EFR3B: variants seen among roughly 807,000 people sequenced by gnomAD.
EFR3B encodes EFR3 homolog B.
EFR3B carries 64 observed loss-of-function variants against 104.7 expected under a neutral mutation model. That is an observed-to-expected ratio of 0.61 (90% CI 0.50 to 0.75). EFR3B has a LOEUF of 0.75. Ranked by LOEUF, EFR3B falls within the 30% of genes least tolerant of loss-of-function variation. The pLI is 0.00. For missense variants in EFR3B, 750 were observed against 1,078.5 expected, an observed-to-expected ratio of 0.70 and a Z score of 4.27; for synonymous variants, 385 against 417.9, an observed-to-expected ratio of 0.92 and a Z score of 0.96.
intron 5 of EFR3B, among the ~76,000 whole-genome samples, chr2:25,126,549 G>T (rs1345739507): frequency 6.6e-6 from 1 of 151,894 alleles, no homozygotes; most frequent in South Asian, 2.1e-4. Flanking sequence ...TAGTAGAGAC[G>T]GGGTTTCACC....
intron 6 of EFR3B, 57 bp from the exon 7 acceptor site, chr2:25,129,918 C>T (rs1670282283): frequency 6.5e-7 from 1 of 1,542,618 alleles, no homozygotes; most frequent in East Asian, 2.5e-5. Context: ...CGGGATTGTA[C>T]AGAGCCTGAC....
intron 1 of EFR3B, among the ~76,000 whole-genome samples, chr2:25,087,535 A>G (rs1440857013): frequency 6.7e-6 from 1 of 149,304 alleles, no homozygotes; most frequent in Non-Finnish European, 1.5e-5. Flanking sequence ...GCTGTAGTGC[A>G]ATGGCACAAT....
At chr2:25,106,629 G>C (rs1188855497) in intron 4 of EFR3B, among the ~76,000 whole-genome samples, 1 of 152,128 alleles carries the variant, frequency 6.6e-6, no homozygotes, top group Non-Finnish European at 1.5e-5. Context: ...AACTAAGGGA[G>C]ACAGGGTTTC....
chr2:25,057,417 A>AAG (rs944469842), intron 1 of EFR3B, among the ~76,000 whole-genome samples: 94 of 152,232 alleles, frequency 6.2e-4, no homozygotes, highest in African/African-American at 2.2e-3. Context: ...GCTAACAAAA[A>AAG]AAAAAACAAA....
At chr2:25,117,229 G>T (rs1337782867) in intron 4 of EFR3B, among the ~76,000 whole-genome samples, 1 of 152,122 alleles carries the variant, frequency 6.6e-6, no homozygotes, top group Admixed American at 6.5e-5. Context: ...GGCTTCCCAG[G>T]TGTGGGCCTC....
In EFR3B at chr2:25,138,330, T is replaced by C. The variant is rs577783954; in HGVS notation, c.1723-729T>C. ...CCTGTCTACCAAGCCTCCTTTGCGA[T>C]GCGCAGGCAGCCAGTGTGGCACCGG... is the stretch of plus-strand genomic sequence containing the variant. On this transcript the variant is annotated intron_variant, in intron 15 of 22. Coordinates refer to ENST00000403714, the MANE Select transcript of EFR3B (RefSeq NM_014971.2). Among the ~76,000 whole-genome samples, 20 of 152,338 alleles carry C rather than the reference T, an allele frequency of 1.3e-4. No homozygotes were observed. The East Asian group carries it at 3.7e-3, about 28-fold the overall frequency.
At chr2:25,071,588 C>T (rs1057155260) in intron 1 of EFR3B, among the ~76,000 whole-genome samples, 1 of 152,122 alleles carries the variant, frequency 6.6e-6, no homozygotes, top group Non-Finnish European at 1.5e-5. Context: ...CTGCACATCC[C>T]CTGTCCTAAT....
At chr2:25,120,933 G>T (rs1021246904) in intron 4 of EFR3B, among the ~76,000 whole-genome samples, 3 of 151,988 alleles carry the variant, frequency 2.0e-5, no homozygotes, top group African/African-American at 7.2e-5. Context: ...ATGGAGTCTC[G>T]CTCTATCGCC....
intron 1 of EFR3B, among the ~76,000 whole-genome samples, chr2:25,045,773 G>A (rs1259064939): frequency 6.6e-6 from 1 of 150,678 alleles, no homozygotes; most frequent in Non-Finnish European, 1.5e-5. Context: ...ACAAGAGCGA[G>A]ACTCCATCTC....
At chr2:25,058,504 A>G (rs1235251994) in intron 1 of EFR3B, among the ~76,000 whole-genome samples, 3 of 152,170 alleles carry the variant, frequency 2.0e-5, no homozygotes, top group Non-Finnish European at 2.9e-5. Flanking sequence ...CATGCCTGTA[A>G]TCCCAGCACT....
At chr2:25,056,363 T>G (rs962039937) in intron 1 of EFR3B, among the ~76,000 whole-genome samples, 10 of 152,276 alleles carry the variant, frequency 6.6e-5, no homozygotes, top group African/African-American at 2.4e-4. Flanking sequence ...ACAGTCTTCT[T>G]TTGAAAGGAA....
chr2:25,051,116 T>C (rs894183239), intron 1 of EFR3B, among the ~76,000 whole-genome samples: 3 of 152,096 alleles, frequency 2.0e-5, no homozygotes, highest in Non-Finnish European at 4.4e-5. Flanking sequence ...TCTCTTTTTT[T>C]TCTTCTGTTT....
intron 1 of EFR3B, among the ~76,000 whole-genome samples, chr2:25,064,873 C>T (rs1054390787): frequency 8.5e-5 from 13 of 152,174 alleles, no homozygotes; most frequent in Non-Finnish European, 1.6e-4. Flanking sequence ...AAAGTGAATA[C>T]CAATCAAGTT....
chr2:25,132,978 C>T lies in EFR3B; in HGVS notation c.1223C>T (p.Pro408Leu), dbSNP rs1360324520. 1 of 1,551,656 alleles carries T rather than the reference C, an allele frequency of 6.4e-7. No homozygotes were observed. Among genetic ancestry groups the T allele is most frequent in the South Asian group, 1.2e-5 (1 of 84,060 alleles). ...ILFIMSKVPR[P>L]SLHQAVDTGR... ...TTCATCATGAGCAAGGTCCCGCGGC[C>T]ATCCCTGCACCAGGCGGTGGACACA... Residue 408 changes from proline to leucine, a missense_variant, in exon 11 of 23, where the codon CCA becomes CTA. Coordinates refer to ENST00000403714, the MANE Select transcript of EFR3B (RefSeq NM_014971.2).
intron 1 of EFR3B, among the ~76,000 whole-genome samples, chr2:25,070,553 G>A (rs866753065): frequency 1.1e-4 from 16 of 152,298 alleles, no homozygotes; most frequent in African/African-American, 2.9e-4. Flanking sequence ...GTGAGCCACC[G>A]CATCCTACTG....
At chr2:25,095,415 G>T (rs2149186939) in intron 3 of EFR3B, among the ~76,000 whole-genome samples, 1 of 152,236 alleles carries the variant, frequency 6.6e-6, no homozygotes, top group South Asian at 2.1e-4. Flanking sequence ...GAACATACTG[G>T]CCAGGTGCGG....
intron 1 of EFR3B, among the ~76,000 whole-genome samples, chr2:25,056,175 A>G (rs1366655345): frequency 6.6e-5 from 10 of 152,158 alleles, no homozygotes; most frequent in Admixed American, 6.5e-4. Context: ...CTTTTCATGG[A>G]TTTTTGTTCC....
chr2:25,152,803 T>C (rs187791148), intron 21 of EFR3B, among the ~76,000 whole-genome samples: 2 of 128,170 alleles, frequency 1.6e-5, no homozygotes, highest in South Asian at 5.4e-4. Context: ...ATATATAATA[T>C]TCATATAGAA....
At chr2:25,071,695 T>G (rs964618725) in intron 1 of EFR3B, among the ~76,000 whole-genome samples, 1 of 152,220 alleles carries the variant, frequency 6.6e-6, no homozygotes, top group African/African-American at 2.4e-5. Flanking sequence ...TTCCATGTGG[T>G]TGTCTAAATT....
Sources: gnomAD v4.1 joint callset for allele counts (sites outside exome capture counted in the v4.1 genomes callset) on GRCh38, gnomAD v4.1.1 for gene constraint, MANE v1.5 for transcripts, NCBI Gene and HGNC (gene_info 2026-07-23, HGNC 2026-07-21) for gene names.